Variants in ZNF385D observed in about 807,000 individuals in gnomAD.
ZNF385D encodes zinc finger protein 385D.
Under a neutral mutation model 35.8 loss-of-function variants are expected in ZNF385D, and 15 were observed. The observed-to-expected ratio is 0.42, with a 90% CI of 0.28 to 0.64. ZNF385D has a LOEUF of 0.64. Ranked by LOEUF, ZNF385D falls within the 30% of genes least tolerant of loss-of-function variation. The pLI, the probability that ZNF385D is intolerant of heterozygous loss-of-function variation, is 0.23. For synonymous variants in ZNF385D, 212 were observed against 186.8 expected (o/e 1.13, Z -1.10); for missense variants, 474 against 494.6 (o/e 0.96, Z 0.39).
At chr3:21,895,277 G>A (rs973504113) in intron 3 of ZNF385D, among the ~76,000 whole-genome samples, 2 of 148,926 alleles carry the variant, frequency 1.3e-5, no homozygotes, top group African/African-American at 2.5e-5. Context: ...CAAGTAGCTG[G>A]AAGATGCCTT....
At chr3:21,553,782 A>G (rs12491285) in intron 3 of ZNF385D, among the ~76,000 whole-genome samples, 49,460 of 152,054 alleles carry the variant, frequency 0.33, 8,653 homozygotes, top group Middle Eastern at 0.4. Context: ...CGTTCACAGC[A>G]TCTTCATCAG....
At chr3:21,674,667 C>T (rs1320777144) in intron 1 of ZNF385D, among the ~76,000 whole-genome samples, 1 of 152,094 alleles carries the variant, frequency 6.6e-6, no homozygotes, top group Admixed American at 6.6e-5. Flanking sequence ...ACGAGTTACT[C>T]TATTCAGTAT....
chr3:21,577,460 C>T (rs965732369), intron 2 of ZNF385D, among the ~76,000 whole-genome samples: 3 of 152,154 alleles, frequency 2.0e-5, no homozygotes, highest in Non-Finnish European at 2.9e-5. Flanking sequence ...CATAATACTG[C>T]GATAAACACA....
chr3:21,519,135 A>G (rs1707763153), intron 3 of ZNF385D, among the ~76,000 whole-genome samples: 1 of 151,948 alleles, frequency 6.6e-6, no homozygotes, highest in African/African-American at 2.4e-5. Flanking sequence ...AAAGGGGGGG[A>G]AAGATAATAC....
chr3:22,181,038 G>T lies in ZNF385D; in HGVS notation c.107-12003C>A, dbSNP rs191143997. On this transcript the variant is annotated intron_variant, in intron 2 of 5. Coordinates refer to the ZNF385D transcript ENST00000494108. ...TCTTAAAATATATTTTAATACTTTG[G>T]TGATTTCAACTGCTGTCCATGCCTA... Among the ~76,000 whole-genome samples the T allele has an allele frequency of 2.5e-4, 38 of 149,780 alleles. No individual in the cohort carries two copies. In the East Asian group the frequency reaches 7.3e-3, roughly 29 times the overall value.
intron 3 of ZNF385D, among the ~76,000 whole-genome samples, chr3:22,144,823 A>G (rs184509992): frequency 2.0e-5 from 3 of 152,292 alleles, no homozygotes; most frequent in Non-Finnish European, 2.9e-5. Flanking sequence ...TCAAACTCCT[A>G]AAGATTCAAA....
intron 4 of ZNF385D, among the ~76,000 whole-genome samples, chr3:21,476,459 T>C (rs1704257090): frequency 6.6e-6 from 1 of 152,058 alleles, no homozygotes; most frequent in Non-Finnish European, 1.5e-5. Context: ...TAGAATTTTT[T>C]TGATGATGTT....
At chr3:22,104,538 A>AT (rs111903984) in intron 3 of ZNF385D, among the ~76,000 whole-genome samples, 159 of 150,828 alleles carry the variant, frequency 1.1e-3, no homozygotes, top group Non-Finnish European at 1.4e-3. Context: ...TTTGGCAGAC[A>AT]TTTTTTTTTG....
chr3:21,721,127 C>G (rs1308996847), intron 1 of ZNF385D, among the ~76,000 whole-genome samples: 2 of 151,566 alleles, frequency 1.3e-5, no homozygotes, highest in Non-Finnish European at 2.9e-5. Context: ...CGGTTTATAT[C>G]CTTAGAAAGG....
rs369442785 is a variant in ZNF385D, at chr3:21,415,584, T to C, written c.*5630A>G. Reference sequence around the variant, plus strand: ...TGACAGGTACTAAGACTCATATTTTTACAATTCTGTATGTGTGTGCGTATA... The same window carrying C: ...TGACAGGTACTAAGACTCATATTTTCACAATTCTGTATGTGTGTGCGTATA... On this transcript the variant is annotated 3_prime_UTR_variant, in exon 8 of 8. Transcript: ENST00000281523. 1.0e-3 allele frequency: 159 copies of C among 152,266 alleles called. No individual in the cohort carries two copies. The highest frequency in any genetic ancestry group is 3.5e-3 in the African/African-American group (146 of 41,558). 9.4% of individuals were successfully genotyped at this position (152,266 alleles called of 1,614,324 possible). A position where few individuals can be genotyped will look rare whatever the true frequency, so the allele number is the denominator to read the frequency against.
intron 3 of ZNF385D, among the ~76,000 whole-genome samples, chr3:21,825,202 A>C (rs1694522028): frequency 6.6e-6 from 1 of 151,734 alleles, no homozygotes; most frequent in African/African-American, 2.4e-5. Flanking sequence ...TTTTTCACCA[A>C]ACAGTGTTCT....
intron 3 of ZNF385D, among the ~76,000 whole-genome samples, chr3:21,794,298 G>A (rs1353505196): frequency 6.6e-6 from 1 of 151,914 alleles, no homozygotes; most frequent in Non-Finnish European, 1.5e-5. Flanking sequence ...TAGACCATTG[G>A]GAGCTTCTGA....
chr3:22,136,252 A>T (rs1033764693), intron 3 of ZNF385D, among the ~76,000 whole-genome samples: 1 of 152,122 alleles, frequency 6.6e-6, no homozygotes, highest in Non-Finnish European at 1.5e-5. Flanking sequence ...GCTGGGCATC[A>T]TGGCATAGGC....
At chr3:21,834,311 C>A (rs975321712) in intron 3 of ZNF385D, among the ~76,000 whole-genome samples, 2 of 152,126 alleles carry the variant, frequency 1.3e-5, no homozygotes, top group African/African-American at 4.8e-5. Flanking sequence ...AAAACTCCAT[C>A]CCCCTAAGAA....
At chr3:21,754,305 G>A (rs1428409562), upstream of ZNF385D, among the ~76,000 whole-genome samples, 1 of 152,122 alleles carries the variant, frequency 6.6e-6, no homozygotes, top group Non-Finnish European at 1.5e-5. Context: ...GCAGCTTCTA[G>A]GGAAGAATCT....
In ZNF385D at chr3:21,942,461, G is replaced by A. The variant is rs954326067; in HGVS notation, c.325+226356C>T. The A allele has an allele frequency of 7.2e-5, 11 of 152,126 alleles. No individual in the cohort carries two copies. In the East Asian group the frequency reaches 1.3e-3, roughly 19 times the overall value. The allele number at this position is 152,126 out of a possible 1,614,324, so 9.4% of individuals were successfully genotyped here. On this transcript the variant is annotated intron_variant, in intron 3 of 5. Coordinates refer to the ZNF385D transcript ENST00000494108. ...TGCATTGTTTAGAAACTTAGTAAGC[G>A]AATAAAAGCGCGTGGCCACGAGGAC... is the stretch of plus-strand genomic sequence containing the variant.
At chr3:21,889,810 G>T (rs1698750582) in intron 3 of ZNF385D, among the ~76,000 whole-genome samples, 1 of 152,112 alleles carries the variant, frequency 6.6e-6, no homozygotes, top group East Asian at 1.9e-4. Context: ...CCAGAAGTTT[G>T]TGATCAAGTG....
chr3:21,773,350 C>G (rs2071155963), intron 3 of ZNF385D, among the ~76,000 whole-genome samples: 2 of 151,810 alleles, frequency 1.3e-5, no homozygotes, highest in Admixed American at 1.3e-4. Flanking sequence ...AAACAGGAGT[C>G]TTTGCCCATG....
intron 3 of ZNF385D, among the ~76,000 whole-genome samples, chr3:22,001,964 C>T (rs1007913206): frequency 2.0e-5 from 3 of 151,688 alleles, no homozygotes; most frequent in African/African-American, 7.3e-5. Flanking sequence ...GGAAGTTTAT[C>T]ACAATAAATG....
Sources: gnomAD v4.1 joint callset for allele counts (sites outside exome capture counted in the v4.1 genomes callset) on GRCh38, gnomAD v4.1.1 for gene constraint, MANE v1.5 for transcripts, NCBI Gene and HGNC (gene_info 2026-07-23, HGNC 2026-07-21) for gene names.